DPP10: variants seen among roughly 807,000 people sequenced by gnomAD.
DPP10 encodes the protein dipeptidyl peptidase like 10.
DPP10 carries 33 observed loss-of-function variants against 120.9 expected under a neutral mutation model. The ratio of observed to expected loss-of-function variants is 0.27; its 90% CI spans 0.21 to 0.37. The LOEUF is 0.37. Among genes scored for constraint, DPP10 ranks in the 10% least tolerant of loss-of-function variants. The pLI, the probability that DPP10 is intolerant of heterozygous loss-of-function variation, is 1.00. For synonymous variants in DPP10, 337 were observed against 326.1 expected (o/e 1.03, Z -0.36); for missense variants, 816 against 942.8 (o/e 0.87, Z 1.76).
intron 1 of DPP10, among the ~76,000 whole-genome samples, chr2:114,958,360 G>T (rs549755260): frequency 6.6e-6 from 1 of 152,104 alleles, no homozygotes; most frequent in Non-Finnish European, 1.5e-5. Flanking sequence ...CAGCCACAAG[G>T]ACTCAAATAT....
At chr2:115,188,365 T>C (rs984632015) in intron 1 of DPP10, among the ~76,000 whole-genome samples, 1 of 152,180 alleles carries the variant, frequency 6.6e-6, no homozygotes, top group Non-Finnish European at 1.5e-5. Flanking sequence ...TGGGTGAATG[T>C]CAGGTAACTG....
In DPP10 at chr2:115,707,567, CAT is replaced by C. The variant is rs557607023; in HGVS notation, c.576+17647_576+17648del. Among the ~76,000 whole-genome samples, 652 of 149,874 alleles carry C rather than the reference CAT, an allele frequency of 4.4e-3. 4 individuals carry two copies. The highest frequency in any genetic ancestry group is 0.015 in the African/African-American group (620 of 41,352). On this transcript the variant is annotated intron_variant, in intron 7 of 25. Transcript: ENST00000410059. ...GATTTTGTCCTGTAAATATATTACA[CAT>C]GTGTCTCAAGACATACATTGAGAAA...
chr2:114,770,198 C>G (rs894454365), intron 1 of DPP10, among the ~76,000 whole-genome samples: 1 of 152,082 alleles, frequency 6.6e-6, no homozygotes, highest in Non-Finnish European at 1.5e-5. Flanking sequence ...GCATTCCTGC[C>G]TCTCTGGGGA....
rs552581757 is a variant in DPP10 at position 115,532,985 on chromosome 2, C to T, written c.441+7013C>T. Among the ~76,000 whole-genome samples the T allele has an allele frequency of 9.9e-5, 15 of 151,362 alleles. No individual in the cohort carries two copies. The East Asian group carries it at 1.9e-3, about 20-fold the overall frequency. ...CCTTAAAAAGTCAAGAGTCCTTTAC[C>T]GCATTTTTTTAAGGACAAACATGAA... is the stretch of plus-strand genomic sequence containing the variant. On this transcript the variant is annotated intron_variant, in intron 5 of 25. Coordinates refer to ENST00000410059, the MANE Select transcript of DPP10 (RefSeq NM_020868.6).
chr2:114,836,600 C>T (rs370412248), intron 1 of DPP10, among the ~76,000 whole-genome samples: 42 of 152,086 alleles, frequency 2.8e-4, no homozygotes, highest in African/African-American at 8.0e-4. Flanking sequence ...AGGACTGGGG[C>T]GAAATTTAAA....
Position 114,470,848 on chromosome 2 carries a change from TG to T in DPP10, c.60+28011del, listed in dbSNP as rs1342848427. Among the ~76,000 whole-genome samples the T allele has an allele frequency of 6.6e-5, 10 of 152,250 alleles. No individual in the cohort carries two copies. In the East Asian group the frequency reaches 1.9e-3, roughly 29 times the overall value. ...TTCATGCAGTCCATACTGCCTTGTT[TG>T]CTAATTGCTGTACACATGCAGACAT... On this transcript the variant is annotated intron_variant, in intron 1 of 25. Transcript: ENST00000410059.
At chr2:114,614,279 T>A (rs1269520523) in intron 1 of DPP10, among the ~76,000 whole-genome samples, 2 of 152,156 alleles carry the variant, frequency 1.3e-5, no homozygotes, top group East Asian at 3.9e-4. Flanking sequence ...AAACTTAAAT[T>A]TAAATTTAAT....
At chr2:115,626,813 T>C (rs2085404417) in intron 5 of DPP10, among the ~76,000 whole-genome samples, 1 of 152,190 alleles carries the variant, frequency 6.6e-6, no homozygotes, top group African/African-American at 2.4e-5. Flanking sequence ...TATTCTATGT[T>C]TCAATATTAC....
At chr2:114,590,512 T>C (rs1289733695) in intron 1 of DPP10, among the ~76,000 whole-genome samples, 1 of 152,222 alleles carries the variant, frequency 6.6e-6, no homozygotes, top group Non-Finnish European at 1.5e-5. Context: ...AAGTTTAATG[T>C]GAAGTGTTAA....
chr2:115,247,589 G>A (rs1289082541), intron 1 of DPP10, among the ~76,000 whole-genome samples: 1 of 152,144 alleles, frequency 6.6e-6, no homozygotes, highest in African/African-American at 2.4e-5. Context: ...ACAACTGATG[G>A]ATAGGATAAG....
At position 114,855,948 on chromosome 2, in the gene DPP10, TA is replaced by T. The variant is rs5833565; in HGVS notation, c.60+413121del. On this transcript the variant is annotated intron_variant, in intron 1 of 25. Coordinates refer to ENST00000410059, the MANE Select transcript of DPP10 (RefSeq NM_020868.6). ...TCCCATCTTCAGGCATCCCTCAGGC[TA>T]AAAAAAAAAAGCCACAGAACAAACC... is the stretch of plus-strand genomic sequence containing the variant. 1.6e-3 allele frequency among the ~76,000 whole-genome samples: 228 copies of T among 143,366 alleles called. No homozygotes were observed. In the East Asian group the frequency reaches 0.02, roughly 13 times the overall value. The allele number at this position is 143,366 out of a possible 152,430, so 94.1% of individuals were successfully genotyped here. A position where few individuals can be genotyped will look rare whatever the true frequency, so the allele number is the denominator to read the frequency against.
intron 1 of DPP10, among the ~76,000 whole-genome samples, chr2:114,813,192 A>G (rs1685331375): frequency 6.6e-6 from 1 of 152,188 alleles, no homozygotes; most frequent in Non-Finnish European, 1.5e-5. Flanking sequence ...TTTTTTGATA[A>G]TGAGTGAGCA....
At chr2:115,139,727 A>AAAG (rs752338274) in intron 1 of DPP10, among the ~76,000 whole-genome samples, 1 of 61,348 alleles carries the variant, frequency 1.6e-5, no homozygotes, top group East Asian at 3.5e-4. Flanking sequence ...AAAATACTAA[A>AAAG]AAAAAAAAAA....
At chr2:115,817,892 GA>G (rs1037974331) in intron 21 of DPP10, among the ~76,000 whole-genome samples, 5 of 151,294 alleles carry the variant, frequency 3.3e-5, no homozygotes, top group East Asian at 1.9e-4. Context: ...TTGAGTTCAT[GA>G]AAAAAAAGAG....
chr2:114,862,816 A>C (rs911063541), intron 1 of DPP10, among the ~76,000 whole-genome samples: 1 of 151,916 alleles, frequency 6.6e-6, no homozygotes, highest in Admixed American at 6.6e-5. Flanking sequence ...TTTACTCTGG[A>C]ATACACAAAT....
chr2:115,797,955 G>GTATATA (rs60338859), intron 19 of DPP10, among the ~76,000 whole-genome samples: 4 of 149,602 alleles, frequency 2.7e-5, no homozygotes, highest in Admixed American at 6.7e-5. Context: ...GTGTGTGTGT[G>GTATATA]TATATATATA....
At chr2:114,471,044 A>G (rs1679864633) in intron 1 of DPP10, among the ~76,000 whole-genome samples, 1 of 152,228 alleles carries the variant, frequency 6.6e-6, no homozygotes, top group African/African-American at 2.4e-5. Flanking sequence ...GACAAAGTAG[A>G]AAATGAGAGC....
At chr2:115,227,828 TTC>T (rs1336397510) in intron 1 of DPP10, among the ~76,000 whole-genome samples, 13 of 152,200 alleles carry the variant, frequency 8.5e-5, no homozygotes, top group Admixed American at 8.5e-4. Flanking sequence ...TTTCTTTTTA[TTC>T]TCTTTTTTCA....
At chr2:115,146,111 A>G (rs1008727571) in intron 1 of DPP10, among the ~76,000 whole-genome samples, 4 of 152,144 alleles carry the variant, frequency 2.6e-5, no homozygotes, top group Admixed American at 2.0e-4. Context: ...CACTGCTAGT[A>G]AATGTTGAAT....
Sources: gnomAD v4.1 joint callset for allele counts (sites outside exome capture counted in the v4.1 genomes callset) on GRCh38, gnomAD v4.1.1 for gene constraint, MANE v1.5 for transcripts, NCBI Gene and HGNC (gene_info 2026-07-23, HGNC 2026-07-21) for gene names.